Variants in ITGAD observed in about 807,000 individuals in gnomAD.
ITGAD encodes the protein integrin subunit alpha D, also known as integrin alpha-D.
A neutral mutation model predicts 139.0 loss-of-function variants in ITGAD; 105 were observed. That is an observed-to-expected ratio of 0.76 (90% CI 0.65 to 0.89). The LOEUF is 0.89. ITGAD is among the 40% of genes least tolerant of loss of function. ITGAD has a pLI of 0.00. For synonymous variants in ITGAD, 569 were observed against 598.3 expected, an observed-to-expected ratio of 0.95 and a Z score of 0.71; for missense variants, 1,384 against 1,487.3, an observed-to-expected ratio of 0.93 and a Z score of 1.14.
Position 31,397,647 on chromosome 16 carries a change from C to G in ITGAD, c.293C>G (p.Thr98Ser). 1 of 1,604,366 alleles carries G rather than the reference C, an allele frequency of 6.2e-7. No homozygotes were observed. The highest frequency in any genetic ancestry group is 1.3e-5 in the African/African-American group (1 of 74,648). The change falls in exon 4 of 30, where the codon ACC becomes AGC. Residue 98 changes from threonine (T) to serine (S), a missense_variant. Transcript: ENST00000389202. ...TTGGGCCTGACCCTGGCAGCCTCCACCAACGGCTCCCGGCTCCTGGTGAGT... is the reference window on the plus strand; with the variant it reads ...TTGGGCCTGACCCTGGCAGCCTCCAGCAACGGCTCCCGGCTCCTGGTGAGT... Reference protein sequence around the residue: ...MSLGLTLAASTNGSRLLACGP... With the variant: ...MSLGLTLAASSNGSRLLACGP...
chr16:31,418,372 T>G lies in ITGAD; in HGVS notation c.2688T>G (p.Ser896Arg). 1 of 1,614,030 alleles carries G rather than the reference T, an allele frequency of 6.2e-7. No homozygotes were observed. Among genetic ancestry groups the G allele is most frequent in the Non-Finnish European group, 8.5e-7 (1 of 1,179,942 alleles). The change falls in exon 22 of 30, where the codon AGT (serine) becomes AGG (arginine). Residue 896 changes from serine (S) to arginine (R), a missense_variant. By Grantham distance (110) the Ser-to-Arg change is moderately radical. Coordinates refer to ENST00000389202, the MANE Select transcript of ITGAD (RefSeq NM_005353.3). Reference protein sequence around the residue: ...TLGDRMLMRASASSENNKASS... With the variant: ...TLGDRMLMRARASSENNKASS... ...GAGACAGGATGCTTATGAGGGCCAG[T>G]GCAAGCAGGTGGGTCCAGGCCAGGG... is the stretch of plus-strand genomic sequence containing the variant.
intron 16 of ITGAD, 28 bp downstream of exon 16, chr16:31,413,274 G>A (rs2081786297): frequency 1.2e-6 from 2 of 1,610,862 alleles, no homozygotes; most frequent in African/African-American, 1.3e-5. Context: ...AGGGGGCCCA[G>A]GCCCCTCATT....
Position 31,403,781 on chromosome 16 carries a change from G to A in ITGAD, c.704+136G>A. The A allele has an allele frequency of 8.9e-7, 1 of 1,126,944 alleles. No homozygotes were observed. Among genetic ancestry groups the A allele is most frequent in the Non-Finnish European group, 1.3e-6 (1 of 793,620 alleles). The allele number at this position is 1,126,944 out of a possible 1,614,324, so 69.8% of individuals were successfully genotyped here. On this transcript the variant is annotated intron_variant, in intron 7 of 29. Transcript: ENST00000389202. This position sits in a 1 kb window ranked among gnomAD's most constrained non-coding sequence, Gnocchi z 4.4. Reference sequence around the variant, plus strand: ...CCAAGGGGCATGTCGGGGCTGCAGGGAGAACCTCCCCCCGGGGTGCTCCTG... The same window carrying A: ...CCAAGGGGCATGTCGGGGCTGCAGGAAGAACCTCCCCCCGGGGTGCTCCTG...
chr16:31,404,014 G>A (rs1300261364), intron 7 of ITGAD: 2 of 248,504 alleles, frequency 8.0e-6, no homozygotes, highest in African/African-American at 4.4e-5. Context: ...TGGGCTCTAA[G>A]TCTCAGTAAC....
intron 23 of ITGAD, 44 bp from the exon 24 acceptor site, chr16:31,423,070 G>A (rs753874284): frequency 6.8e-6 from 10 of 1,475,236 alleles, no homozygotes; most frequent in Non-Finnish European, 8.5e-6. Context: ...GCACAACTGG[G>A]GACAGTTTCA....
In ITGAD at chr16:31,416,614, G is replaced by C. The variant is rs375553583; in HGVS notation, c.2467G>C (p.Gly823Arg). ...GTVVSLYYPA[G>R]LSHRRVSGAQ... ...CGTGGTCAGCCTCTACTATCCAGCA[G>C]GGCTGTCGCACCGACGGGTGTCAGG... is the stretch of plus-strand genomic sequence containing the variant. Residue 823 changes from glycine (G) to arginine (R), a missense_variant, in exon 20 of 30, where the codon GGG becomes CGG. Physicochemically the swap from Gly to Arg is moderately radical, Grantham distance 125 (BLOSUM62 -2). Transcript: ENST00000389202. The C allele has an allele frequency of 1.2e-6, 2 of 1,612,484 alleles. No individual in the cohort carries two copies. The highest frequency in any genetic ancestry group is 1.3e-5 in the African/African-American group (1 of 74,914).
chr16:31,418,100 G>GC lies in ITGAD; in HGVS notation c.2527dup (p.Leu843ProfsTer4). 2 of 1,613,902 alleles carry GC rather than the reference G, an allele frequency of 1.2e-6. No individual in the cohort carries two copies. The highest frequency in any genetic ancestry group is 1.7e-6 in the Non-Finnish European group (2 of 1,179,986). ...AAGCAGCCCCATCAGAGTGCCCTGCGCCTGGCATGTGAGACAGTGCCCACT... is the reference window on the plus strand; with the variant it reads ...AAGCAGCCCCATCAGAGTGCCCTGCGCCCTGGCATGTGAGACAGTGCCCACT... On this transcript the variant is annotated frameshift_variant, in exon 21 of 30. Transcript: ENST00000389202. LOFTEE classifies it high-confidence loss of function.
Position 31,426,412 on chromosome 16 carries a change from TGC to T in ITGAD, c.*286_*287del. On this transcript the variant is annotated 3_prime_UTR_variant, in exon 30 of 30. Coordinates refer to ENST00000389202, the MANE Select transcript of ITGAD (RefSeq NM_005353.3). Reference sequence around the variant, plus strand: ...GAGGATGTTTATAGCACACTTTCCTTGCGTGGAAGAGCTATAACCCAGGGACC... The same window carrying T: ...GAGGATGTTTATAGCACACTTTCCTTGTGGAAGAGCTATAACCCAGGGACC... 3.2e-6 allele frequency: 1 copy of T among 314,930 alleles called. No homozygotes were observed. The allele number at this position is 314,930 out of a possible 1,614,324, so 19.5% of individuals were successfully genotyped here.
chr16:31,399,420 G>A lies in ITGAD; in HGVS notation c.427+1511G>A, dbSNP rs79440617. Among the ~76,000 whole-genome samples the A allele has an allele frequency of 2.6e-3, 396 of 152,272 alleles. 1 individual carries two copies. Among genetic ancestry groups the A allele is most frequent in the African/African-American group, 9.1e-3 (377 of 41,548 alleles). ...CGTGTGAGAGGGAATGCCAGGGGCC[G>A]CTCAGGGTGCTGACCGAGGGTGGGG... On this transcript the variant is annotated intron_variant, in intron 5 of 29. Transcript: ENST00000389202.
Position 31,416,310 on chromosome 16 carries a change from C to A in ITGAD, c.2357+24C>A, listed in dbSNP as rs1265800971. On this transcript the variant is annotated intron_variant, in intron 19 of 29. Transcript: ENST00000389202. ...GGGTGAGCTGTAACTCCCTTCATAT[C>A]CAGACACTCAGGCTTCTGAGTCCCC... 6.3e-6 allele frequency: 10 copies of A among 1,583,090 alleles called. No individual in the cohort carries two copies. The South Asian group carries it at 9.0e-5, about 14-fold the overall frequency.
chr16:31,424,276 G>T, intron 28 of ITGAD, 73 bp downstream of exon 28: 1 of 1,578,182 alleles, frequency 6.3e-7, no homozygotes, highest in South Asian at 1.1e-5. Context: ...TGCTGGGTGG[G>T]GGGTTTGCAA....
chr16:31,394,341 G>A lies in ITGAD; in HGVS notation c.137G>A (p.Arg46Gln), dbSNP rs779519567. 2.5e-6 allele frequency: 4 copies of A among 1,610,416 alleles called. No individual in the cohort carries two copies. The highest frequency in any genetic ancestry group is 4.5e-5 in the East Asian group (2 of 44,826). Residue 46 changes from arginine to glutamine, a missense_variant and splice_region_variant, in exon 2 of 30, where the codon CGA (arginine) becomes CAA (glutamine). Transcript: ENST00000389202. ...AGCGTGGTGCAGTTCGGTGGATCTC[G>A]GTAGGCCCCACTCACCCTCCTTCCC... The part of the protein sequence containing the change: ...GQSVVQFGGS[R>Q]LVVGAPLEVV...
rs1469143885 is a variant in ITGAD, at chr16:31,397,838, A to C, written c.356A>C (p.Tyr119Ser). The change falls in exon 5 of 30, where the codon TAC becomes TCC. Residue 119 changes from tyrosine (Y) to serine (S), a missense_variant. Coordinates refer to ENST00000389202, the MANE Select transcript of ITGAD (RefSeq NM_005353.3). ...TLHRVCGENS[Y>S]SKGSCLLLGS... ...CACAGAGTCTGTGGGGAGAACTCAT[A>C]CTCAAAGGGTTCCTGCCTCCTGCTG... 1 of 1,613,590 alleles carries C rather than the reference A, an allele frequency of 6.2e-7. No homozygotes were observed.
Position 31,412,964 on chromosome 16 carries a change from C to T in ITGAD, c.1834C>T (p.Leu612Phe), listed in dbSNP as rs1240379054. Residue 612 changes from leucine to phenylalanine, a missense_variant, in exon 15 of 30, where the codon CTC (leucine) becomes TTC (phenylalanine). Coordinates refer to ENST00000389202, the MANE Select transcript of ITGAD (RefSeq NM_005353.3). ...GGGGGCCCGGGGCCAGGTGCTCCTGCTCAGGTAGCGACTCCCCAACATCCT... is the reference window on the plus strand; with the variant it reads ...GGGGGCCCGGGGCCAGGTGCTCCTGTTCAGGTAGCGACTCCCCAACATCCT... The part of the protein sequence containing the change: ...AVGARGQVLL[L>F]RSLPVLKVGV... 1 of 1,605,854 alleles carries T rather than the reference C, an allele frequency of 6.2e-7. No homozygotes were observed. The highest frequency in any genetic ancestry group is 8.5e-7 in the Non-Finnish European group (1 of 1,175,994).
chr16:31,410,372 GC>G (rs752896652), intron 10 of ITGAD, 22 bp from the exon 11 acceptor site: 1 of 1,613,792 alleles, frequency 6.2e-7, no homozygotes, highest in East Asian at 2.2e-5. Context: ...TCTCTGCCCA[GC>G]CCTGGAATTC....
rs1232955054 is a variant in ITGAD, at chr16:31,411,464, G to C, written c.1654G>C (p.Val552Leu). 6.2e-7 allele frequency: 1 copy of C among 1,614,136 alleles called. No homozygotes were observed. Among genetic ancestry groups the C allele is most frequent in the Non-Finnish European group, 8.5e-7 (1 of 1,180,004 alleles). ...APGEQENRGAVYLFHGASESG... is the reference protein window; with the variant it reads ...APGEQENRGALYLFHGASESG... ...GGGAGAGCAGGAGAACCGGGGTGCT[G>C]TCTACCTGTTTCACGGAGCCTCAGA... is the stretch of plus-strand genomic sequence containing the variant. The change falls in exon 14 of 30, where the codon GTC becomes CTC. Residue 552 changes from valine (V) to leucine (L), a missense_variant. By Grantham distance (32) the Val-to-Leu change is conservative (BLOSUM62 1). Coordinates refer to ENST00000389202, the MANE Select transcript of ITGAD (RefSeq NM_005353.3).
Position 31,423,564 on chromosome 16 carries a change from T to C in ITGAD, c.2968-7T>C, listed in dbSNP as rs1434415337. On this transcript the variant is annotated splice_polypyrimidine_tract_variant and splice_region_variant and intron_variant, in intron 25 of 29. Coordinates refer to ENST00000389202, the MANE Select transcript of ITGAD (RefSeq NM_005353.3). Reference sequence around the variant, plus strand: ...TTCTGTGGCTAAGTGCTTCTTTCTCTTCCCAGAGTCTCCCCTGTGTTTCAG... The same window carrying C: ...TTCTGTGGCTAAGTGCTTCTTTCTCCTCCCAGAGTCTCCCCTGTGTTTCAG... 1 of 1,613,826 alleles carries C rather than the reference T, an allele frequency of 6.2e-7. No individual in the cohort carries two copies. Among genetic ancestry groups the C allele is most frequent in the Admixed American group, 1.7e-5 (1 of 60,020 alleles).
Position 31,403,824 on chromosome 16 carries a change from C to A in ITGAD, c.704+179C>A. 1.5e-6 allele frequency: 1 copy of A among 670,356 alleles called. No individual in the cohort carries two copies. Among genetic ancestry groups the A allele is most frequent in the Non-Finnish European group, 2.5e-6 (1 of 398,600 alleles). 41.5% of individuals were successfully genotyped at this position (670,356 alleles called of 1,614,324 possible). On this transcript the variant is annotated intron_variant, in intron 7 of 29. Transcript: ENST00000389202. The surrounding 1 kb of genome is among the most constrained non-coding windows in gnomAD (Gnocchi z 4.4). The stretch of plus-strand genomic sequence containing the variant: ...TGCTCCTGGTTGCCTCGCTGCCAGT[C>A]TCCCTGATATAGGACTAGGCTCCTC...
chr16:31,417,189 G>A (rs926019576), intron 20 of ITGAD, among the ~76,000 whole-genome samples: 5 of 149,944 alleles, frequency 3.3e-5, no homozygotes, highest in African/African-American at 1.2e-4. Context: ...GACTACAGGT[G>A]CATGCCACTA....
Sources: allele counts gnomAD v4.1 joint callset (sites outside exome capture counted in the v4.1 genomes callset), GRCh38; gene constraint gnomAD v4.1.1; non-coding constraint Gnocchi (gnomAD v3.1); transcripts MANE v1.5; gene names NCBI Gene and HGNC (gene_info 2026-07-23, HGNC 2026-07-21).